The following ZFP91 variants were observed in gnomAD, a reference collection of about 807,000 sequenced individuals.
ZFP91 encodes the protein E3 ubiquitin-protein ligase ZFP91.
In ZFP91, 7 loss-of-function variants were observed where a neutral mutation model predicts 63.5. The observed-to-expected ratio is 0.11, with a 90% CI of 0.06 to 0.21. ZFP91 has a LOEUF of 0.21. Ranked by LOEUF, ZFP91 falls within the 10% of genes least tolerant of loss-of-function variation. The pLI is 1.00. For synonymous variants in ZFP91, 330 were observed against 272.1 expected (o/e 1.21, Z -2.10); for missense variants, 628 against 736.6 (o/e 0.85, Z 1.71).
intron 9 of ZFP91, among the ~76,000 whole-genome samples, chr11:58,615,507 A>C (rs1351544469): frequency 6.6e-6 from 1 of 152,254 alleles, no homozygotes; most frequent in Admixed American, 6.5e-5. Context: ...TTACTTTTGC[A>C]AATTAGTATA....
chr11:58,598,073 C>T (rs530126608), intron 2 of ZFP91, among the ~76,000 whole-genome samples: 4 of 152,110 alleles, frequency 2.6e-5, no homozygotes, highest in Admixed American at 6.5e-5. Flanking sequence ...AACAGCTGAG[C>T]TTGCTGCAAT....
chr11:58,586,892 T>TA (rs1358636017), intron 2 of ZFP91, among the ~76,000 whole-genome samples: 1 of 152,188 alleles, frequency 6.6e-6, no homozygotes, highest in African/African-American at 2.4e-5. Flanking sequence ...TTTTTAGAGG[T>TA]AAGACTGGCC....
chr11:58,587,052 T>A (rs1855222130), intron 2 of ZFP91, among the ~76,000 whole-genome samples: 1 of 152,152 alleles, frequency 6.6e-6, no homozygotes. Context: ...AGTAGGCAAC[T>A]TTCCATTAAT....
At chr11:58,611,575 C>T in intron 5 of ZFP91, 29 bp from the exon 6 acceptor site, 1 of 1,600,584 alleles carries the variant, frequency 6.2e-7, no homozygotes, top group Non-Finnish European at 8.5e-7. Context: ...GATCTTTTGT[C>T]TAGTATTGAA....
chr11:58,585,126 G>A (rs571543991), intron 2 of ZFP91, among the ~76,000 whole-genome samples: 5 of 152,192 alleles, frequency 3.3e-5, no homozygotes, highest in Admixed American at 3.3e-4. Context: ...ACTTTTTTAA[G>A]CCTTTTATTT....
At chr11:58,579,760 G>C (rs1855068958) in intron 1 of ZFP91, 138 bp downstream of exon 1, 4 of 808,916 alleles carry the variant, frequency 4.9e-6, no homozygotes, top group Non-Finnish European at 5.4e-6. Context: ...ATGTCACACC[G>C]TTTCCCCGGG....
chr11:58,601,481 G>A (rs1855489543), intron 2 of ZFP91, among the ~76,000 whole-genome samples: 1 of 152,028 alleles, frequency 6.6e-6, no homozygotes, highest in African/African-American at 2.4e-5. Context: ...TTAACCAAAA[G>A]TTTGTTGATT....
chr11:58,603,898 A>T (rs1279783540), intron 2 of ZFP91, among the ~76,000 whole-genome samples: 1 of 152,146 alleles, frequency 6.6e-6, no homozygotes, highest in East Asian at 1.9e-4. Flanking sequence ...ATGGAGAAGA[A>T]TTTTGCTCTA....
intron 1 of ZFP91, among the ~76,000 whole-genome samples, chr11:58,580,622 T>TA (rs1161920944): frequency 6.6e-6 from 1 of 152,206 alleles, no homozygotes; most frequent in African/African-American, 2.4e-5. Flanking sequence ...AGGTTTGACT[T>TA]ACACCAGACC....
Position 58,610,043 on chromosome 11 carries a change from C to A in ZFP91, c.580+4C>A. 1 of 1,613,962 alleles carries A rather than the reference C, an allele frequency of 6.2e-7. No homozygotes were observed. The highest frequency in any genetic ancestry group is 8.5e-7 in the Non-Finnish European group (1 of 1,179,874). ...AATACAGACCAACTTGATTATGGTA[C>A]AGTGCAACTAGAATATGGCTGTTTA... On this transcript the variant is annotated splice_donor_region_variant and intron_variant, in intron 3 of 10. Transcript: ENST00000316059.
rs778782866 is a variant in ZFP91 at position 58,579,668 on chromosome 11, G to A, written c.341+46G>A. 5.4e-6 allele frequency: 8 copies of A among 1,473,414 alleles called. No homozygotes were observed. The Admixed American group carries it at 7.3e-5, about 13-fold the overall frequency. 91.3% of individuals were successfully genotyped at this position (1,473,414 alleles called of 1,614,324 possible). The stretch of plus-strand genomic sequence containing the variant: ...CGGTGGGAAAGACCCCCCTCTGTCC[G>A]TACGCAACCCTCTCGGCTCCCGTAG... On this transcript the variant is annotated intron_variant, in intron 1 of 10. Coordinates refer to ENST00000316059, the MANE Select transcript of ZFP91 (RefSeq NM_053023.5).
intron 8 of ZFP91, 70 bp downstream of exon 8, chr11:58,612,910 T>A: frequency 7.4e-7 from 1 of 1,356,586 alleles, no homozygotes; most frequent in Non-Finnish European, 1.0e-6. Context: ...CACGAGACTT[T>A]AATTTGTTGG....
At chr11:58,583,479 G>C (rs1194278473) in intron 1 of ZFP91, among the ~76,000 whole-genome samples, 2 of 152,000 alleles carry the variant, frequency 1.3e-5, no homozygotes, top group African/African-American at 4.8e-5. Flanking sequence ...CATGGATAGT[G>C]AGGATGAAGA....
Position 58,579,366 on chromosome 11 carries a change from C to A in ZFP91, c.85C>A (p.Pro29Thr). The A allele has an allele frequency of 6.7e-7, 1 of 1,492,320 alleles. No individual in the cohort carries two copies. Among genetic ancestry groups the A allele is most frequent in the African/African-American group, 1.5e-5 (1 of 67,904 alleles). The allele number at this position is 1,492,320 out of a possible 1,614,324, so 92.4% of individuals were successfully genotyped here. The part of the protein sequence containing the change: ...GEAAKAAPEE[P>T]QQRPPEAVAA... ...GGCGGCCAAGGCGGCTCCGGAGGAG[C>A]CCCAACAACGGCCCCCTGAGGCGGT... Residue 29 changes from proline to threonine, a missense_variant, in exon 1 of 11, where the codon CCC (proline) becomes ACC (threonine). Coordinates refer to ENST00000316059, the MANE Select transcript of ZFP91 (RefSeq NM_053023.5).
chr11:58,591,825 A>G (rs1057059004), intron 2 of ZFP91, among the ~76,000 whole-genome samples: 26 of 152,200 alleles, frequency 1.7e-4, no homozygotes, highest in Admixed American at 1.3e-3. Context: ...AAGTGGTCCA[A>G]TGTAGCGAAC....
chr11:58,617,098 G>GTGTGTGTGTA lies in ZFP91; in HGVS notation c.1203-97_1203-96insGTGTGTGTAT, dbSNP rs896207272. The GTGTGTGTGTA allele has an allele frequency of 3.0e-6, 3 of 987,402 alleles. No homozygotes were observed. Among genetic ancestry groups the GTGTGTGTGTA allele is most frequent in the Non-Finnish European group, 1.5e-6 (1 of 678,642 alleles). The allele number at this position is 987,402 out of a possible 1,614,324, so 61.2% of individuals were successfully genotyped here. On this transcript the variant is annotated intron_variant, in intron 10 of 10. Transcript: ENST00000316059. This position sits in a 1 kb window ranked among gnomAD's most constrained non-coding sequence, Gnocchi z 4.2. Reference sequence around the variant, plus strand: ...TGTGTGTGTGTGTGTGTGTGTGTGTGTATGTATATATATGCTCTAAACTCT... The same window carrying GTGTGTGTGTA: ...TGTGTGTGTGTGTGTGTGTGTGTGTGTGTGTGTGTATATGTATATATATGCTCTAAACTCT...
At chr11:58,612,141 T>A in intron 6 of ZFP91, 137 bp from the exon 7 acceptor site, 1 of 832,780 alleles carries the variant, frequency 1.2e-6, no homozygotes, top group Admixed American at 2.9e-5. Context: ...GCCAGATATA[T>A]CTTTGACTTT....
intron 2 of ZFP91, among the ~76,000 whole-genome samples, chr11:58,605,249 G>A (rs1158314710): frequency 6.6e-6 from 1 of 152,096 alleles, no homozygotes; most frequent in Non-Finnish European, 1.5e-5. Flanking sequence ...ATGTTTTGAT[G>A]TCAAATGCCC....
At chr11:58,612,933 T>G (rs760281314) in intron 8 of ZFP91, 93 bp downstream of exon 8, 4 of 1,103,456 alleles carry the variant, frequency 3.6e-6, no homozygotes, top group Non-Finnish European at 5.3e-6. Context: ...TGTGTAGGCT[T>G]TATCATTGAC....
Sources: gnomAD v4.1 joint callset for allele counts (sites outside exome capture counted in the v4.1 genomes callset) on GRCh38, gnomAD v4.1.1 for gene constraint, Gnocchi (gnomAD v3.1) non-coding constraint, MANE v1.5 for transcripts, NCBI Gene and HGNC (gene_info 2026-07-23, HGNC 2026-07-21) for gene names.